Variants in MAN1A1 observed in about 807,000 individuals in gnomAD.
The protein encoded by MAN1A1 is mannosyl-oligosaccharide 1,2-alpha-mannosidase IA.
In MAN1A1, 29 loss-of-function variants were observed where a neutral mutation model predicts 70.8. The observed-to-expected ratio is 0.41, with a 90% CI of 0.31 to 0.56. MAN1A1 has a LOEUF of 0.56. Among genes scored for constraint, MAN1A1 ranks in the 20% least tolerant of loss-of-function variants. The pLI is 0.29. For synonymous variants in MAN1A1, 349 were observed against 330.1 expected, an observed-to-expected ratio of 1.06 and a Z score of -0.62; for missense variants, 747 against 841.3, an observed-to-expected ratio of 0.89 and a Z score of 1.39.
intron 1 of MAN1A1, 85 bp from the exon 2 acceptor site, chr6:119,349,372 C>A: frequency 1.0e-6 from 1 of 1,002,852 alleles, no homozygotes. Flanking sequence ...TCCTGGCGAG[C>A]CTCCAGGACC....
intron 3 of MAN1A1, among the ~76,000 whole-genome samples, chr6:119,303,577 C>A (rs1396006580): frequency 6.6e-6 from 1 of 152,160 alleles, no homozygotes; most frequent in Non-Finnish European, 1.5e-5. Flanking sequence ...ACTCCTTCAC[C>A]CCATGAACAT....
At chr6:119,342,455 T>C (rs1291928280) in intron 2 of MAN1A1, among the ~76,000 whole-genome samples, 3 of 152,204 alleles carry the variant, frequency 2.0e-5, no homozygotes, top group Admixed American at 6.5e-5. Flanking sequence ...TACTATCACA[T>C]TTAAGCCTCA....
At chr6:119,316,733 T>C (rs1019438876) in intron 2 of MAN1A1, among the ~76,000 whole-genome samples, 13 of 152,134 alleles carry the variant, frequency 8.5e-5, no homozygotes, top group African/African-American at 2.9e-4. Flanking sequence ...AAAAGATTTG[T>C]TTATAGATTT....
Position 119,344,522 on chromosome 6 carries a change from T to C in MAN1A1, c.603+3941A>G, listed in dbSNP as rs577035411. Among the ~76,000 whole-genome samples, 33 of 152,372 alleles carry C rather than the reference T, an allele frequency of 2.2e-4. 1 individual carries two copies. Among genetic ancestry groups the C allele is most frequent in the South Asian group, 1.0e-3 (5 of 4,826 alleles). ...ACACTAGCCTATGTTCAGTAGGGAA[T>C]GTGTCACGGCACAGTGGCACAGGCA... On this transcript the variant is annotated intron_variant, in intron 2 of 12. Coordinates refer to ENST00000368468, the MANE Select transcript of MAN1A1 (RefSeq NM_005907.4).
chr6:119,293,769 A>C (rs1421295540), intron 4 of MAN1A1, among the ~76,000 whole-genome samples: 2 of 152,060 alleles, frequency 1.3e-5, no homozygotes, highest in Non-Finnish European at 2.9e-5. Flanking sequence ...GATGAAAAGG[A>C]CTAAGAAGAT....
chr6:119,187,080 G>A (rs1009821010), intron 11 of MAN1A1, among the ~76,000 whole-genome samples: 1 of 152,122 alleles, frequency 6.6e-6, no homozygotes, highest in African/African-American at 2.4e-5. Flanking sequence ...TGTCTACCTG[G>A]CAATACGAAT....
intron 9 of MAN1A1, among the ~76,000 whole-genome samples, chr6:119,190,215 A>G (rs1773406347): frequency 1.3e-5 from 2 of 152,308 alleles, no homozygotes; most frequent in South Asian, 2.1e-4. Flanking sequence ...GGTTTGGTAC[A>G]TTTTCATTTC....
intron 5 of MAN1A1, among the ~76,000 whole-genome samples, chr6:119,258,377 G>T (rs1189025782): frequency 6.6e-6 from 1 of 152,166 alleles, no homozygotes; most frequent in Non-Finnish European, 1.5e-5. Context: ...ATGTATGGTT[G>T]CATCTGTACT....
chr6:119,274,188 T>C (rs1201035247), intron 5 of MAN1A1, among the ~76,000 whole-genome samples: 1 of 152,240 alleles, frequency 6.6e-6, no homozygotes, highest in Admixed American at 6.5e-5. Flanking sequence ...GAAAACATAC[T>C]ATAAAATGTT....
chr6:119,296,980 T>C (rs3798622), intron 4 of MAN1A1, among the ~76,000 whole-genome samples: 57,511 of 152,120 alleles, frequency 0.38, 11,354 homozygotes, highest in Non-Finnish European at 0.41. Context: ...AGGGTTAATA[T>C]AAGAAATTGT....
intron 11 of MAN1A1, among the ~76,000 whole-genome samples, chr6:119,186,905 G>A (rs1773307203): frequency 6.6e-6 from 1 of 152,302 alleles, no homozygotes; most frequent in Middle Eastern, 3.4e-3. Flanking sequence ...AGGTTACTGG[G>A]GGCATCCCCA....
chr6:119,326,807 C>T (rs1010330894), intron 2 of MAN1A1, among the ~76,000 whole-genome samples: 2 of 152,164 alleles, frequency 1.3e-5, no homozygotes, highest in African/African-American at 2.4e-5. Context: ...TCCCTTGACA[C>T]GTGGGGATTG....
intron 6 of MAN1A1, among the ~76,000 whole-genome samples, chr6:119,205,961 C>T (rs1773848695): frequency 6.6e-6 from 1 of 152,122 alleles, no homozygotes; most frequent in African/African-American, 2.4e-5. Flanking sequence ...TGATGAATGC[C>T]GAGATAAATG....
At chr6:119,241,002 G>T (rs543452742) in intron 6 of MAN1A1, among the ~76,000 whole-genome samples, 2 of 152,248 alleles carry the variant, frequency 1.3e-5, no homozygotes, top group South Asian at 4.1e-4. Flanking sequence ...GCTGTTTATA[G>T]TAAAGCCATT....
Position 119,266,839 on chromosome 6 carries a change from C to T in MAN1A1, c.898-18485G>A, listed in dbSNP as rs1355348135. On this transcript the variant is annotated intron_variant, in intron 5 of 12. Transcript: ENST00000368468. ...AAGAGAAAATTTGCAAAACATGTATCTAATAAAGAACTGTTAATGAAAATT... is the reference window on the plus strand; with the variant it reads ...AAGAGAAAATTTGCAAAACATGTATTTAATAAAGAACTGTTAATGAAAATT... 2.0e-5 allele frequency among the ~76,000 whole-genome samples: 3 copies of T among 151,974 alleles called. No homozygotes were observed. The South Asian group carries it at 6.2e-4, about 32-fold the overall frequency.
intron 6 of MAN1A1, among the ~76,000 whole-genome samples, chr6:119,232,513 G>A (rs1322361320): frequency 3.9e-5 from 6 of 151,908 alleles, no homozygotes; most frequent in African/African-American, 1.2e-4. Flanking sequence ...TATCTTCCCT[G>A]CCTTTGCCCT....
At chr6:119,234,039 C>T (rs919327542) in intron 6 of MAN1A1, among the ~76,000 whole-genome samples, 3 of 152,082 alleles carry the variant, frequency 2.0e-5, no homozygotes, top group African/African-American at 2.4e-5. Context: ...GAAAGGTATC[C>T]CCACATTTGC....
chr6:119,345,700 CAAATT>C (rs1338820107), intron 2 of MAN1A1, among the ~76,000 whole-genome samples: 2 of 152,192 alleles, frequency 1.3e-5, no homozygotes, highest in Non-Finnish European at 2.9e-5. Flanking sequence ...CAGGTTGACT[CAAATT>C]ACAATCCAGT....
At chr6:119,269,192 CT>C in intron 5 of MAN1A1, 1 of 220,944 alleles carries the variant, frequency 4.5e-6, no homozygotes. Flanking sequence ...CCTCCACATT[CT>C]TTTGGGCCTG....
Sources: allele counts gnomAD v4.1 joint callset (sites outside exome capture counted in the v4.1 genomes callset), GRCh38; gene constraint gnomAD v4.1.1; transcripts MANE v1.5; gene names NCBI Gene and HGNC (gene_info 2026-07-23, HGNC 2026-07-21).